Variants in KIAA0586 observed in about 807,000 individuals in gnomAD.
KIAA0586 encodes the protein protein TALPID3.
In KIAA0586, 144 loss-of-function variants were observed where a neutral mutation model predicts 169.8. The observed-to-expected ratio is 0.85, with a 90% CI of 0.74 to 0.97. KIAA0586 has a LOEUF of 0.97. Ranked by LOEUF, KIAA0586 falls within the 50% of genes least tolerant of loss-of-function variation. The probability of loss-of-function intolerance (pLI) is 0.00; values close to 1 mark genes in which losing one functional copy is unlikely to be tolerated. For missense variants in KIAA0586, 1,854 were observed against 1,823.0 expected (o/e 1.02, Z -0.31); for synonymous variants, 625 against 612.4 (o/e 1.02, Z -0.30).
chr14:58,512,709 A>T, intron 29 of KIAA0586, 82 bp downstream of exon 29: 1 of 777,626 alleles, frequency 1.3e-6, no homozygotes, highest in Non-Finnish European at 2.0e-6. Context: ...TTTACTTTTT[A>T]TACATCCCAC....
chr14:58,428,616 A>C (rs917227279), intron 1 of KIAA0586, among the ~76,000 whole-genome samples, 153 bp downstream of exon 1: 1 of 151,692 alleles, frequency 6.6e-6, no homozygotes, highest in African/African-American at 2.4e-5. Context: ...GGAAGCCTAT[A>C]AAATGTTTGA....
downstream of KIAA0586, chr14:58,551,303 A>G (rs979876458): frequency 6.6e-6 from 1 of 152,226 alleles, no homozygotes; most frequent in Non-Finnish European, 1.5e-5. Context: ...GATTATTTCA[A>G]TATGTTTCTT....
intron 29 of KIAA0586, among the ~76,000 whole-genome samples, chr14:58,515,333 A>G (rs771386200): frequency 3.9e-5 from 6 of 152,204 alleles, no homozygotes; most frequent in Non-Finnish European, 7.4e-5. Flanking sequence ...ATACAGAATC[A>G]CAAATATTTC....
Position 58,444,031 on chromosome 14 carries a change from G to A in KIAA0586, c.663G>A (p.Leu221=), listed in dbSNP as rs1327891549. 1.9e-6 allele frequency: 3 copies of A among 1,612,086 alleles called. No individual in the cohort carries two copies. Among genetic ancestry groups the A allele is most frequent in the East Asian group, 2.2e-5 (1 of 44,846 alleles). The change falls in exon 6 of 31, where the codon CTG becomes CTA. Residue 221 remains leucine (L), a synonymous_variant. Transcript: ENST00000652326. ...LSKLQETDKH[L]QRVTEQQTSI... is the part of the protein sequence containing the mutation. ...AATTACAGGAGACTGATAAACACCTGCAACGTGTTACAGAGCAGCAAACAA... is the reference window on the plus strand; with the variant it reads ...AATTACAGGAGACTGATAAACACCTACAACGTGTTACAGAGCAGCAAACAA...
In KIAA0586 at chr14:58,498,924, CCT is replaced by C; in HGVS notation, c.4133_4134del (p.Pro1378GlnfsTer8). On this transcript the variant is annotated frameshift_variant, in exon 27 of 31. Transcript: ENST00000652326. LOFTEE classifies it high-confidence loss of function. ...NTQSLDQQCD[P>X]KPLSRQFDTV... Reference sequence around the variant, plus strand: ...ACAGTCTTTGGATCAACAATGTGATCCTAAACCATTATCTCGGCAATTTGACA... The same window carrying C: ...ACAGTCTTTGGATCAACAATGTGATCAAACCATTATCTCGGCAATTTGACA... 1 of 1,609,318 alleles carries C rather than the reference CCT, an allele frequency of 6.2e-7. No homozygotes were observed. The highest frequency in any genetic ancestry group is 8.5e-7 in the Non-Finnish European group (1 of 1,177,908).
chr14:58,451,651 C>CTG (rs1272362926), intron 8 of KIAA0586, among the ~76,000 whole-genome samples: 1 of 152,088 alleles, frequency 6.6e-6, no homozygotes, highest in East Asian at 1.9e-4. Context: ...AGAAACTTAA[C>CTG]ATTCATCACC....
chr14:58,429,943 C>G (rs2037221422), intron 2 of KIAA0586, among the ~76,000 whole-genome samples: 1 of 152,126 alleles, frequency 6.6e-6, no homozygotes, highest in Non-Finnish European at 1.5e-5. Context: ...TCTAATCAGA[C>G]TTTGACGGCT....
chr14:58,444,059 A>T lies in KIAA0586; in HGVS notation c.691A>T (p.Ile231Phe), dbSNP rs745772720. The T allele has an allele frequency of 6.2e-7, 1 of 1,613,382 alleles. No homozygotes were observed. Among genetic ancestry groups the T allele is most frequent in the Non-Finnish European group, 8.5e-7 (1 of 1,179,484 alleles). The change falls in exon 6 of 31, where the codon ATT becomes TTT. Residue 231 changes from isoleucine to phenylalanine, a missense_variant. Coordinates refer to ENST00000652326, the MANE Select transcript of KIAA0586 (RefSeq NM_001329943.3). Reference sequence around the variant, plus strand: ...ACGTGTTACAGAGCAGCAAACAAGCATTCAGAGGAAACAAGAGAAATTACA... The same window carrying T: ...ACGTGTTACAGAGCAGCAAACAAGCTTTCAGAGGAAACAAGAGAAATTACA... Reference protein sequence around the residue: ...LQRVTEQQTSIQRKQEKLHCH... With the variant: ...LQRVTEQQTSFQRKQEKLHCH...
chr14:58,427,718 C>G, upstream of KIAA0586: 1 of 1,534,796 alleles, frequency 6.5e-7, no homozygotes, highest in Non-Finnish European at 8.7e-7. Context: ...GGGCAACTGA[C>G]GCTGTTGTCA....
In KIAA0586 at chr14:58,530,060, A is replaced by G. The variant is rs148574353; in HGVS notation, c.4430-10011A>G. On this transcript the variant is annotated intron_variant, in intron 29 of 30. Coordinates refer to ENST00000652326, the MANE Select transcript of KIAA0586 (RefSeq NM_001329943.3). ...AAATCACAAGCATTCCTATATGCCA[A>G]TAATAGCCAAATCGTGAGTGAACTC... 2.2e-3 allele frequency among the ~76,000 whole-genome samples: 331 copies of G among 151,542 alleles called. 3 individuals carry two copies. The highest frequency in any genetic ancestry group is 7.5e-3 in the African/African-American group (309 of 41,464).
At chr14:58,482,295 G>A (rs897714441) in intron 20 of KIAA0586, among the ~76,000 whole-genome samples, 3 of 151,864 alleles carry the variant, frequency 2.0e-5, no homozygotes, top group South Asian at 2.1e-4. Flanking sequence ...GCATGGTGAC[G>A]CGTGCCTGTA....
chr14:58,440,288 TTCTCTC>T, intron 4 of KIAA0586: 4 of 373,042 alleles, frequency 1.1e-5, no homozygotes, highest in Non-Finnish European at 2.1e-5. Flanking sequence ...CTTTTCTTCT[TTCTCTC>T]TCTCTCTCTC....
chr14:58,556,273 A>G (rs1370305707), downstream of KIAA0586, among the ~76,000 whole-genome samples: 1 of 152,234 alleles, frequency 6.6e-6, no homozygotes, highest in Non-Finnish European at 1.5e-5. Flanking sequence ...CAGCTTTGAT[A>G]GCTGCATGTT....
chr14:58,516,137 ATTGGT>A (rs2044737296), intron 29 of KIAA0586, among the ~76,000 whole-genome samples: 1 of 152,222 alleles, frequency 6.6e-6, no homozygotes, highest in Admixed American at 6.5e-5. Context: ...GTATAGAACC[ATTGGT>A]AGTCACAGAT....
chr14:58,433,540 T>C (rs984664697), intron 4 of KIAA0586, among the ~76,000 whole-genome samples: 1 of 152,240 alleles, frequency 6.6e-6, no homozygotes, highest in Non-Finnish European at 1.5e-5. Context: ...ATAGGTGATA[T>C]TATATACTTC....
chr14:58,439,311 G>A (rs545705675), intron 4 of KIAA0586, among the ~76,000 whole-genome samples: 3 of 152,014 alleles, frequency 2.0e-5, no homozygotes, highest in East Asian at 1.9e-4. Context: ...CTCAGCCTCC[G>A]TAGTAGCTGT....
At chr14:58,463,519 A>T (rs1012967333) in intron 14 of KIAA0586, among the ~76,000 whole-genome samples, 9 of 152,222 alleles carry the variant, frequency 5.9e-5, no homozygotes, top group Non-Finnish European at 8.8e-5. Context: ...TCCTGGGGTC[A>T]TAAACAAAAA....
Position 58,512,578 on chromosome 14 carries a change from T to G in KIAA0586, c.4380T>G (p.Ser1460Arg). The change falls in exon 29 of 31, where the codon AGT becomes AGG. Residue 1460 changes from serine to arginine, a missense_variant. Ser to Arg is a moderately radical substitution (Grantham distance 110, BLOSUM62 -1). Coordinates refer to ENST00000652326, the MANE Select transcript of KIAA0586 (RefSeq NM_001329943.3). ...AAGTTGAACACAAACCATCACAAAG[T>G]TACCTACGTGTTAGAAATAAATCTG... is the stretch of plus-strand genomic sequence containing the variant. ...VKQVEHKPSQ[S>R]YLRVRNKSDI... The G allele has an allele frequency of 6.5e-7, 1 of 1,545,368 alleles. No homozygotes were observed. The highest frequency in any genetic ancestry group is 8.7e-7 in the Non-Finnish European group (1 of 1,154,248).
At chr14:58,479,012 A>C (rs912541577) in intron 20 of KIAA0586, among the ~76,000 whole-genome samples, 3 of 152,222 alleles carry the variant, frequency 2.0e-5, no homozygotes, top group African/African-American at 7.2e-5. Context: ...GCTGCTATGA[A>C]CATTTGTAAG....
Sources: allele counts gnomAD v4.1 joint callset (sites outside exome capture counted in the v4.1 genomes callset), GRCh38; gene constraint gnomAD v4.1.1; transcripts MANE v1.5; gene names NCBI Gene and HGNC (gene_info 2026-07-23, HGNC 2026-07-21).